Variants in AKAP9 observed in about 807,000 individuals in gnomAD.
AKAP9 encodes A-kinase anchoring protein 9.
In AKAP9, 311 loss-of-function variants were observed where a neutral mutation model predicts 488.5. The observed-to-expected ratio is 0.64, with a 90% CI of 0.58 to 0.70. The LOEUF (loss-of-function observed/expected upper bound fraction) is 0.70. AKAP9 is among the 30% of genes least tolerant of loss of function. The probability of loss-of-function intolerance (pLI) is 0.00; values close to 1 mark genes in which losing one functional copy is unlikely to be tolerated. For synonymous variants in AKAP9, 1,462 were observed against 1,483.5 expected (o/e 0.99, Z 0.33); for missense variants, 4,215 against 4,374.5 (o/e 0.96, Z 1.03).
intron 35 of AKAP9, 80 bp downstream of exon 35, chr7:92,085,020 T>C: frequency 2.0e-6 from 3 of 1,508,080 alleles, no homozygotes; most frequent in Admixed American, 3.4e-5. Context: ...AGAAGTTATA[T>C]GGTGGGATCA....
intron 21 of AKAP9, among the ~76,000 whole-genome samples, chr7:92,045,464 A>G (rs1806814421): frequency 6.6e-6 from 1 of 152,164 alleles, no homozygotes; most frequent in Non-Finnish European, 1.5e-5. Flanking sequence ...ATGCTGTTAC[A>G]TTTCTCCACC....
rs2130732323 is a variant in AKAP9 at position 92,022,947 on chromosome 7, G to A, written c.4086G>A (p.Glu1362=). The change falls in exon 14 of 50, where the codon GAG becomes GAA. Residue 1362 remains glutamate, a synonymous_variant. Coordinates refer to ENST00000356239, the MANE Select transcript of AKAP9 (RefSeq NM_005751.5). The stretch of plus-strand genomic sequence containing the variant: ...TGAAAGAAACTGAACAAAACTATGA[G>A]GCAGAGATCCACTGTTTACAGAAGA... ...QQLKETEQNY[E]AEIHCLQKRL... 2 of 1,614,026 alleles carry A rather than the reference G, an allele frequency of 1.2e-6. No homozygotes were observed. Among genetic ancestry groups the A allele is most frequent in the Non-Finnish European group, 1.7e-6 (2 of 1,179,934 alleles).
intron 29 of AKAP9, 78 bp from the exon 30 acceptor site, chr7:92,077,618 T>C: frequency 1.6e-6 from 2 of 1,219,664 alleles, no homozygotes; most frequent in South Asian, 1.2e-5. Flanking sequence ...CGTTATAGGC[T>C]CTGATTTCTT....
chr7:92,070,806 CAAAAAAAAAAA>C (rs34613656), intron 27 of AKAP9, 88 bp from the exon 28 acceptor site: 5 of 457,770 alleles, frequency 1.1e-5, no homozygotes, highest in African/African-American at 2.9e-5. Flanking sequence ...TGCTGCTTCT[CAAAAAAAAAAA>C]AAAAAAAAGC....
intron 37 of AKAP9, among the ~76,000 whole-genome samples, chr7:92,088,559 A>G (rs1814998926): frequency 6.6e-6 from 1 of 152,228 alleles, no homozygotes; most frequent in Admixed American, 6.5e-5. Context: ...ATGCTATATA[A>G]TGCTCTTAAA....
chr7:92,044,265 G>C (rs768134694), intron 20 of AKAP9, among the ~76,000 whole-genome samples: 18 of 152,134 alleles, frequency 1.2e-4, no homozygotes, highest in Non-Finnish European at 2.2e-4. Context: ...TTTAAAAAGA[G>C]AGACACACCA....
chr7:91,964,577 T>C (rs1794188246), intron 1 of AKAP9, among the ~76,000 whole-genome samples: 1 of 152,108 alleles, frequency 6.6e-6, no homozygotes, highest in African/African-American at 2.4e-5. Context: ...CAAAACTGGA[T>C]TTGTACCCCC....
intron 3 of AKAP9, among the ~76,000 whole-genome samples, chr7:91,980,650 A>G (rs899479280): frequency 6.6e-6 from 1 of 151,876 alleles, no homozygotes; most frequent in African/African-American, 2.4e-5. Context: ...CAGTAAAAAT[A>G]TCAAAAATTT....
At chr7:91,968,170 T>C (rs1297972952) in intron 1 of AKAP9, among the ~76,000 whole-genome samples, 1 of 152,134 alleles carries the variant, frequency 6.6e-6, no homozygotes, top group African/African-American at 2.4e-5. Context: ...ACTCCTGAGC[T>C]CAAGCTCAAG....
chr7:91,970,432 T>C (rs947962497), intron 1 of AKAP9: 2 of 454,820 alleles, frequency 4.4e-6, no homozygotes, highest in African/African-American at 4.0e-5. Context: ...TGTATACCTT[T>C]ACATGTTTTG....
chr7:92,109,049 GAAA>G (rs36114838), intron 49 of AKAP9: 254 of 175,762 alleles, frequency 1.4e-3, no homozygotes, highest in South Asian at 2.7e-3. Flanking sequence ...CTGTCTCAAA[GAAA>G]AAAAAAAAAA....
chr7:91,972,480 A>C (rs1795218334), intron 1 of AKAP9, among the ~76,000 whole-genome samples: 1 of 152,192 alleles, frequency 6.6e-6, no homozygotes, highest in Non-Finnish European at 1.5e-5. Flanking sequence ...GGTGATGGGC[A>C]GATTAGGAGA....
chr7:92,001,700 A>G lies in AKAP9; in HGVS notation c.1783A>G (p.Asn595Asp), dbSNP rs1440681292. ...ATTAAAACATGAAGCAGAAGTTACA[A>G]ATTACAAGATAAAACTTGAAATGTT... ...LELKHEAEVT[N>D]YKIKLEMLEK... The change falls in exon 8 of 50, where the codon AAT (asparagine) becomes GAT (aspartate). Residue 595 changes from asparagine to aspartate, a missense_variant. This residue lies in a region of AKAP9 where 2,361 missense variants were observed against 2,430.0 expected (regional missense o/e 0.97). Transcript: ENST00000356239. 6 of 1,612,210 alleles carry G rather than the reference A, an allele frequency of 3.7e-6. No homozygotes were observed. In the African/African-American group the frequency reaches 8.0e-5, roughly 22 times the overall value.
intron 21 of AKAP9, 58 bp from the exon 22 acceptor site, chr7:92,052,668 C>A (rs1237589085): frequency 6.4e-6 from 8 of 1,246,322 alleles, no homozygotes; most frequent in Non-Finnish European, 9.0e-6. Context: ...TGTTTTATAA[C>A]TTTAAAAAAT....
Position 92,083,339 on chromosome 7 carries a change from G to C in AKAP9, c.8330G>C (p.Ser2777Thr). Reference sequence around the variant, plus strand: ...CCACTTCCTATAAAACTGAGTAAGAGCATTGCATCCCAGACAGATGGGACT... The same window carrying C: ...CCACTTCCTATAAAACTGAGTAAGACCATTGCATCCCAGACAGATGGGACT... ...FEPLPIKLSK[S>T]IASQTDGTLK... The change falls in exon 33 of 50, where the codon AGC (serine) becomes ACC (threonine). Residue 2777 changes from serine to threonine, a missense_variant. Transcript: ENST00000356239. The C allele has an allele frequency of 6.2e-7, 1 of 1,614,090 alleles. No individual in the cohort carries two copies. The highest frequency in any genetic ancestry group is 8.5e-7 in the Non-Finnish European group (1 of 1,180,020).
chr7:92,083,072 T>C, intron 32 of AKAP9, 98 bp from the exon 33 acceptor site: 2 of 1,403,872 alleles, frequency 1.4e-6, no homozygotes, highest in Non-Finnish European at 2.0e-6. Context: ...AATGAACGTA[T>C]AATCATGAAT....
In AKAP9 at chr7:91,960,228, A is replaced by G. The variant is rs997063579; in HGVS notation, c.49-13483A>G. On this transcript the variant is annotated intron_variant, in intron 1 of 49. Coordinates refer to ENST00000356239, the MANE Select transcript of AKAP9 (RefSeq NM_005751.5). Reference sequence around the variant, plus strand: ...GTAACACATTTAAGTAATATTTTGTACCATTCTCTCGAGTATATTTGTTTC... The same window carrying G: ...GTAACACATTTAAGTAATATTTTGTGCCATTCTCTCGAGTATATTTGTTTC... 7.2e-5 allele frequency among the ~76,000 whole-genome samples: 11 copies of G among 152,314 alleles called. 1 individual carries two copies. In the Middle Eastern group the frequency reaches 0.01, roughly 141 times the overall value.
At position 92,001,439 on chromosome 7, in the gene AKAP9, C is replaced by G. The variant is rs1799168993; in HGVS notation, c.1522C>G (p.Gln508Glu). Residue 508 changes from glutamine to glutamate, a missense_variant, in exon 8 of 50, where the codon CAA becomes GAA. Gln to Glu is a conservative substitution (Grantham distance 29, BLOSUM62 2). Coordinates refer to ENST00000356239, the MANE Select transcript of AKAP9 (RefSeq NM_005751.5). ...TATAAAATTGCAAGATACTAACTCT[C>G]AAAAGGAAAAACTCAAGGAAGAACT... Reference protein sequence around the residue: ...LNIKLQDTNSQKEKLKEELGL... With the variant: ...LNIKLQDTNSEKEKLKEELGL... 1 of 1,613,608 alleles carries G rather than the reference C, an allele frequency of 6.2e-7. No homozygotes were observed. The highest frequency in any genetic ancestry group is 1.7e-5 in the Admixed American group (1 of 59,962).
At chr7:92,010,337 G>C (rs773816118) in intron 8 of AKAP9, among the ~76,000 whole-genome samples, 4 of 152,206 alleles carry the variant, frequency 2.6e-5, no homozygotes, top group African/African-American at 4.8e-5. Flanking sequence ...TTGATCATTC[G>C]CAGGACTGCT....
Sources: allele counts gnomAD v4.1 joint callset (sites outside exome capture counted in the v4.1 genomes callset), GRCh38; gene constraint gnomAD v4.1.1; regional missense constraint gnomAD v4.1.1; transcripts MANE v1.5; gene names NCBI Gene and HGNC (gene_info 2026-07-23, HGNC 2026-07-21).